The following DLGAP2 variants were observed in gnomAD, a reference collection of about 807,000 sequenced individuals.
DLGAP2 encodes disks large-associated protein 2.
DLGAP2 carries 26 observed loss-of-function variants against 100.3 expected under a neutral mutation model. The observed-to-expected ratio is 0.26, with a 90% CI of 0.19 to 0.36. The LOEUF (loss-of-function observed/expected upper bound fraction) is 0.36. Among genes scored for constraint, DLGAP2 ranks in the 10% least tolerant of loss-of-function variants. DLGAP2 has a pLI of 1.00. For missense variants in DLGAP2, 1,858 were observed against 1,453.2 expected, an observed-to-expected ratio of 1.28 and a Z score of -4.53; for synonymous variants, 886 against 630.1, an observed-to-expected ratio of 1.41 and a Z score of -6.08.
rs938764231 is a variant in DLGAP2 at position 1,103,495 on chromosome 8, C to T, written c.74-155356C>T. On this transcript the variant is annotated intron_variant, in intron 2 of 14. Coordinates refer to ENST00000637795, the MANE Select transcript of DLGAP2 (RefSeq NM_001346810.2). ...TGATGACTGGCGGGGCCTTGGTTGA[C>T]GGTGATGACTGGCGGGGCCTTGGTT... 2.8e-4 allele frequency among the ~76,000 whole-genome samples: 35 copies of T among 125,072 alleles called. No homozygotes were observed. In the East Asian group the frequency reaches 8.0e-3, roughly 28 times the overall value. 82.1% of individuals were successfully genotyped at this position (125,072 alleles called of 152,430 possible).
chr8:1,122,092 C>G lies in DLGAP2; in HGVS notation c.74-136759C>G, dbSNP rs1796062867. On this transcript the variant is annotated intron_variant, in intron 2 of 14. Coordinates refer to ENST00000637795, the MANE Select transcript of DLGAP2 (RefSeq NM_001346810.2). Reference sequence around the variant, plus strand: ...GCCATTGAGCCAGAGATTGCACTCCCTTAGGTGAACTTTGAGCCAGATGTG... The same window carrying G: ...GCCATTGAGCCAGAGATTGCACTCCGTTAGGTGAACTTTGAGCCAGATGTG... Among the ~76,000 whole-genome samples the G allele has an allele frequency of 2.0e-5, 3 of 152,180 alleles. No homozygotes were observed. The South Asian group carries it at 6.2e-4, about 31-fold the overall frequency.
intron 1 of DLGAP2, chr8:739,010 C>CGCCGCG (rs1820407916): frequency 6.3e-6 from 1 of 159,810 alleles, no homozygotes. Flanking sequence ...CCGCCGCCGC[C>CGCCGCG]GCCGGTGAAT....
intron 2 of DLGAP2, among the ~76,000 whole-genome samples, chr8:1,000,528 A>G (rs1166763487): frequency 1.3e-5 from 2 of 151,154 alleles, no homozygotes; most frequent in Non-Finnish European, 1.5e-5. Context: ...TTTTCTATAG[A>G]GCGGACAGAT....
intron 2 of DLGAP2, among the ~76,000 whole-genome samples, chr8:1,138,064 C>T (rs1454856506): frequency 2.6e-5 from 4 of 152,354 alleles, no homozygotes; most frequent in South Asian, 2.1e-4. Context: ...TTTTCACATC[C>T]ACACTGCCCC....
intron 3 of DLGAP2, among the ~76,000 whole-genome samples, chr8:1,431,898 G>A (rs7839865): frequency 0.21 from 31,083 of 145,040 alleles, 3,608 homozygotes; most frequent in Middle Eastern, 0.3. Flanking sequence ...GCACCGCTAC[G>A]GCTGCCATCC....
At chr8:1,321,300 ATCTGTGTGTCTCTGCGTGTGCGTGTGTG>A (rs1300667140) in intron 3 of DLGAP2, among the ~76,000 whole-genome samples, 40 of 149,436 alleles carry the variant, frequency 2.7e-4, no homozygotes, top group African/African-American at 8.7e-4. Context: ...CTCTGTGTGC[ATCTGTGTGTCTCTGCGTGTGCGTGTGTG>A]TCTGTGTGTC....
intron 1 of DLGAP2, among the ~76,000 whole-genome samples, chr8:768,662 G>T (rs927662292): frequency 6.6e-6 from 1 of 151,914 alleles, no homozygotes; most frequent in Non-Finnish European, 1.5e-5. Flanking sequence ...CTGACCTCAT[G>T]ATCTGCCCGC....
chr8:1,021,082 C>T (rs1801610880), intron 2 of DLGAP2, among the ~76,000 whole-genome samples: 1 of 152,158 alleles, frequency 6.6e-6, no homozygotes, highest in Non-Finnish European at 1.5e-5. Context: ...TGGATTAGCC[C>T]ACAGTTTTGT....
At chr8:782,888 C>T (rs1294327351) in intron 1 of DLGAP2, among the ~76,000 whole-genome samples, 1 of 152,188 alleles carries the variant, frequency 6.6e-6, no homozygotes, top group Non-Finnish European at 1.5e-5. Flanking sequence ...AGAAGAAGAA[C>T]CAACCCCCAA....
chr8:1,189,537 C>T lies in DLGAP2; in HGVS notation c.74-69314C>T, dbSNP rs116949479. On this transcript the variant is annotated intron_variant, in intron 2 of 14. Coordinates refer to ENST00000637795, the MANE Select transcript of DLGAP2 (RefSeq NM_001346810.2). ...GTTTACACTTTAAGGATTATGAATT[C>T]ACAGCATTTGGTTAGGGAAAGACCA... Among the ~76,000 whole-genome samples the T allele has an allele frequency of 3.8e-4, 58 of 152,186 alleles. No homozygotes were observed. In the East Asian group the frequency reaches 0.01, roughly 27 times the overall value.
intron 2 of DLGAP2, among the ~76,000 whole-genome samples, chr8:990,372 GC>G (rs1800635161): frequency 1.6e-5 from 1 of 60,922 alleles, no homozygotes; most frequent in African/African-American, 6.8e-5. Flanking sequence ...CGGACCCCCT[GC>G]ACCCCCATAC....
chr8:1,108,549 C>A (rs1208153657), intron 2 of DLGAP2, among the ~76,000 whole-genome samples: 2 of 149,706 alleles, frequency 1.3e-5, no homozygotes, highest in East Asian at 4.0e-4. Context: ...GTGCATGTGC[C>A]TATGAAGTGT....
chr8:1,237,120 G>C (rs1216327177), intron 2 of DLGAP2, among the ~76,000 whole-genome samples: 20 of 14,732 alleles, frequency 1.4e-3, no homozygotes, highest in East Asian at 4.2e-3. Context: ...GCCTAGTTCT[G>C]TCTCACATGG....
At chr8:1,437,043 G>T (rs1426748981) in intron 3 of DLGAP2, among the ~76,000 whole-genome samples, 1 of 151,620 alleles carries the variant, frequency 6.6e-6, no homozygotes, top group Non-Finnish European at 1.5e-5. Flanking sequence ...GCCCAGGCGC[G>T]TAAGGGTGAC....
chr8:1,381,707 C>CATCATG (rs1261290733), intron 3 of DLGAP2, among the ~76,000 whole-genome samples: 1 of 151,986 alleles, frequency 6.6e-6, no homozygotes, highest in Non-Finnish European at 1.5e-5. Flanking sequence ...TTTCACTCAG[C>CATCATG]ATCATGTCCT....
intron 2 of DLGAP2, among the ~76,000 whole-genome samples, chr8:985,767 C>T (rs1272373695): frequency 6.6e-6 from 1 of 152,094 alleles, no homozygotes; most frequent in Non-Finnish European, 1.5e-5. Flanking sequence ...TATCTTTGGC[C>T]TTTTGATCCC....
At chr8:891,943 G>A (rs1368596921) in intron 1 of DLGAP2, among the ~76,000 whole-genome samples, 1 of 152,220 alleles carries the variant, frequency 6.6e-6, no homozygotes, top group African/African-American at 2.4e-5. Context: ...GCGCCACACA[G>A]AGCATGGAGG....
intron 3 of DLGAP2, among the ~76,000 whole-genome samples, chr8:1,455,313 G>T (rs940605560): frequency 6.6e-6 from 1 of 152,260 alleles, no homozygotes; most frequent in Admixed American, 6.5e-5. Flanking sequence ...CTCTGGAGCT[G>T]CCTGCCTGCA....
chr8:1,157,566 G>A (rs943915234), intron 2 of DLGAP2, among the ~76,000 whole-genome samples: 1 of 152,090 alleles, frequency 6.6e-6, no homozygotes, highest in Admixed American at 6.6e-5. Flanking sequence ...TCTGTGTCCC[G>A]GCTCCCAGAG....
Sources: allele counts gnomAD v4.1 joint callset (sites outside exome capture counted in the v4.1 genomes callset), GRCh38; gene constraint gnomAD v4.1.1; transcripts MANE v1.5; gene names NCBI Gene and HGNC (gene_info 2026-07-23, HGNC 2026-07-21).